ZFYVE16: variants seen among roughly 807,000 people sequenced by gnomAD.
The protein encoded by ZFYVE16 is zinc finger FYVE-type containing 16.
ZFYVE16 carries 89 observed loss-of-function variants against 138.1 expected under a neutral mutation model. That is an observed-to-expected ratio of 0.64 (90% CI 0.54 to 0.77). The LOEUF is 0.77. Ranked by LOEUF, ZFYVE16 falls within the 30% of genes least tolerant of loss-of-function variation. The pLI, the probability that ZFYVE16 is intolerant of heterozygous loss-of-function variation, is 0.00. For missense variants in ZFYVE16, 1,793 were observed against 1,786.7 expected, an observed-to-expected ratio of 1.00 and a Z score of -0.06; for synonymous variants, 596 against 618.3, an observed-to-expected ratio of 0.96 and a Z score of 0.53.
chr5:80,479,861 A>G lies in ZFYVE16; in HGVS notation c.*2484A>G, dbSNP rs996066932. Among the ~76,000 whole-genome samples, 2 of 152,136 alleles carry G rather than the reference A, an allele frequency of 1.3e-5. No homozygotes were observed. The highest frequency in any genetic ancestry group is 6.5e-5 in the Admixed American group (1 of 15,278). ...ACACAATAGGCTGAGACTCCCAAATACTTTCACCTTTAGGATGATAATGAA... is the reference window on the plus strand; with the variant it reads ...ACACAATAGGCTGAGACTCCCAAATGCTTTCACCTTTAGGATGATAATGAA... On this transcript the variant is annotated 3_prime_UTR_variant, in exon 19 of 19. Coordinates refer to ENST00000505560, the MANE Select transcript of ZFYVE16 (RefSeq NM_001284236.3).
In ZFYVE16 at chr5:80,477,755, A is replaced by T. The variant is rs1292767754; in HGVS notation, c.*378A>T. ...TCAGATGTAACCTTATGAAGGAAATATCTGCTTTGTGTATATGCCAGTTAG... is the reference window on the plus strand; with the variant it reads ...TCAGATGTAACCTTATGAAGGAAATTTCTGCTTTGTGTATATGCCAGTTAG... On this transcript the variant is annotated 3_prime_UTR_variant, in exon 19 of 19. Coordinates refer to ENST00000505560, the MANE Select transcript of ZFYVE16 (RefSeq NM_001284236.3). 6.4e-6 allele frequency: 1 copy of T among 155,976 alleles called. No individual in the cohort carries two copies. Among genetic ancestry groups the T allele is most frequent in the Non-Finnish European group, 1.4e-5 (1 of 70,822 alleles). The allele number at this position is 155,976 out of a possible 1,614,324, so 9.7% of individuals were successfully genotyped here. A position where few individuals can be genotyped will look rare whatever the true frequency, so the allele number is the denominator to read the frequency against.
rs144793072 is a variant in ZFYVE16, at chr5:80,447,433, A to G, written c.2725-593A>G. On this transcript the variant is annotated intron_variant, in intron 7 of 18. Coordinates refer to ENST00000505560, the MANE Select transcript of ZFYVE16 (RefSeq NM_001284236.3). Reference sequence around the variant, plus strand: ...GTTTCCTAGCTAGCACGCACTGTCAATCTGTATTAATGAAAATTCTCAACA... The same window carrying G: ...GTTTCCTAGCTAGCACGCACTGTCAGTCTGTATTAATGAAAATTCTCAACA... Among the ~76,000 whole-genome samples the G allele has an allele frequency of 4.9e-3, 743 of 152,292 alleles. 4 individuals are homozygous for G. Among genetic ancestry groups the G allele is most frequent in the African/African-American group, 0.016 (647 of 41,566 alleles).
rs1748258622 is a variant in ZFYVE16, at chr5:80,427,545, G to A, written c.-40G>A. On this transcript the variant is annotated splice_region_variant and 5_prime_UTR_variant, in exon 2 of 19. Transcript: ENST00000505560. Reference sequence around the variant, plus strand: ...GGTGGAGTTTCTGTTCCAGACCAGAGGTTCGTCTACTTTTTTCATCTTTTC... The same window carrying A: ...GGTGGAGTTTCTGTTCCAGACCAGAAGTTCGTCTACTTTTTTCATCTTTTC... 1 of 147,812 alleles carries A rather than the reference G, an allele frequency of 6.8e-6. No individual in the cohort carries two copies. The allele number at this position is 147,812 out of a possible 1,614,324, so 9.2% of individuals were successfully genotyped here. A position where few individuals can be genotyped will look rare whatever the true frequency, so the allele number is the denominator to read the frequency against.
intron 1 of ZFYVE16, among the ~76,000 whole-genome samples, chr5:80,426,755 T>G (rs548551684): frequency 6.6e-6 from 1 of 152,156 alleles, no homozygotes; most frequent in African/African-American, 2.4e-5. Context: ...TACACATGCA[T>G]GTATCTTTAT....
intron 1 of ZFYVE16, among the ~76,000 whole-genome samples, chr5:80,425,417 G>T (rs1747850759): frequency 6.6e-6 from 1 of 152,100 alleles, no homozygotes; most frequent in Non-Finnish European, 1.5e-5. Context: ...CCTCTTATTT[G>T]TTTATTGTCT....
At chr5:80,420,733 G>A (rs1747024889) in intron 1 of ZFYVE16, among the ~76,000 whole-genome samples, 1 of 152,142 alleles carries the variant, frequency 6.6e-6, no homozygotes, top group Admixed American at 6.5e-5. Flanking sequence ...CTTTGCTATT[G>A]TGAATAGTGC....
chr5:80,412,823 T>G (rs1745643958), intron 1 of ZFYVE16, among the ~76,000 whole-genome samples: 1 of 152,242 alleles, frequency 6.6e-6, no homozygotes, highest in Non-Finnish European at 1.5e-5. Flanking sequence ...AAATTTAATG[T>G]TTATATTTAT....
intron 1 of ZFYVE16, among the ~76,000 whole-genome samples, chr5:80,412,839 G>A (rs1745647264): frequency 1.3e-5 from 2 of 152,044 alleles, no homozygotes; most frequent in Admixed American, 6.6e-5. Context: ...TTTATCGAAG[G>A]GATACCTGTA....
At chr5:80,409,448 C>T (rs1381682102) in intron 1 of ZFYVE16, among the ~76,000 whole-genome samples, 1 of 152,064 alleles carries the variant, frequency 6.6e-6, no homozygotes, top group Admixed American at 6.5e-5. Context: ...CCTAATGCTG[C>T]AGTATATTTA....
chr5:80,450,800 A>G (rs909384639), intron 10 of ZFYVE16, among the ~76,000 whole-genome samples: 1 of 148,252 alleles, frequency 6.7e-6, no homozygotes, highest in Admixed American at 7.0e-5. Context: ...AAATGGAAAT[A>G]TATCCTTATA....
chr5:80,471,176 A>C (rs249033), intron 15 of ZFYVE16, among the ~76,000 whole-genome samples: 117,892 of 151,860 alleles, frequency 0.78, 48,943 homozygotes, highest in East Asian at 0.92. Context: ...TAAACGTCCT[A>C]ATCTTGCCAC....
intron 2 of ZFYVE16, among the ~76,000 whole-genome samples, chr5:80,427,895 C>T (rs1748348864): frequency 7.4e-6 from 1 of 134,804 alleles, no homozygotes; most frequent in South Asian, 2.4e-4. Context: ...TCGCTTGAAC[C>T]TGGGAGATGG....
At chr5:80,434,241 C>A in intron 3 of ZFYVE16, 24 bp downstream of exon 3, 1 of 1,609,682 alleles carries the variant, frequency 6.2e-7, no homozygotes, top group Non-Finnish European at 8.5e-7. Flanking sequence ...CCATTTTTGC[C>A]GCTAATGGGA....
At position 80,445,400 on chromosome 5, in the gene ZFYVE16, C is replaced by A. The variant is rs760569192; in HGVS notation, c.2719C>A (p.Pro907Thr). The stretch of plus-strand genomic sequence containing the variant: ...CTTTAGTCCTCTCTCACCTGATGTG[C>A]CTATGGTAAGGAATTCAAAGAATAA... ...EDFSPLSPDV[P>T]MTVNTVDHSH... The change falls in exon 7 of 19, where the codon CCT becomes ACT. Residue 907 changes from proline to threonine, a missense_variant. By Grantham distance (38) the Pro-to-Thr change is conservative (BLOSUM62 -1). Coordinates refer to ENST00000505560, the MANE Select transcript of ZFYVE16 (RefSeq NM_001284236.3). The A allele has an allele frequency of 1.9e-6, 3 of 1,610,020 alleles. No homozygotes were observed. The highest frequency in any genetic ancestry group is 1.7e-6 in the Non-Finnish European group (2 of 1,178,854).
chr5:80,422,239 TCTTATTGCG>T (rs1580121904), intron 1 of ZFYVE16, among the ~76,000 whole-genome samples: 3 of 152,164 alleles, frequency 2.0e-5, no homozygotes, highest in Non-Finnish European at 4.4e-5. Context: ...CCTTTTCTTG[TCTTATTGCG>T]CTAGCCAAGG....
Position 80,431,301 on chromosome 5 carries a change from C to T in ZFYVE16, c.-39-2808C>T, listed in dbSNP as rs984783643. 7.2e-5 allele frequency among the ~76,000 whole-genome samples: 11 copies of T among 152,100 alleles called. No individual in the cohort carries two copies. In the East Asian group the frequency reaches 9.6e-4, roughly 13 times the overall value. ...GGTTCAACATATGCAGATCAATAAA[C>T]GTAATCCAGCATATAAACAGAACCA... is the stretch of plus-strand genomic sequence containing the variant. On this transcript the variant is annotated intron_variant, in intron 2 of 18. Coordinates refer to ENST00000505560, the MANE Select transcript of ZFYVE16 (RefSeq NM_001284236.3).
chr5:80,473,242 C>T (rs537864302), intron 16 of ZFYVE16, among the ~76,000 whole-genome samples: 15 of 152,186 alleles, frequency 9.9e-5, no homozygotes, highest in Admixed American at 7.2e-4. Flanking sequence ...CTATTTTTGT[C>T]ACATAAGTAA....
At chr5:80,474,592 T>G in intron 17 of ZFYVE16, 71 bp from the exon 18 acceptor site, 3 of 1,433,750 alleles carry the variant, frequency 2.1e-6, no homozygotes, top group Non-Finnish European at 2.8e-6. Flanking sequence ...TAATTAAACT[T>G]GAAAGCAGCA....
chr5:80,477,511 C>A lies in ZFYVE16; in HGVS notation c.*134C>A. 1 of 727,804 alleles carries A rather than the reference C, an allele frequency of 1.4e-6. No individual in the cohort carries two copies. Among genetic ancestry groups the A allele is most frequent in the Non-Finnish European group, 2.0e-6 (1 of 502,518 alleles). The allele number at this position is 727,804 out of a possible 1,614,324, so 45.1% of individuals were successfully genotyped here. ...AAACACATAAGCTTTGCTCTTTAGG[C>A]AGGAATGATCTTTTCAAATCATTAG... is the stretch of plus-strand genomic sequence containing the variant. On this transcript the variant is annotated 3_prime_UTR_variant, in exon 19 of 19. Coordinates refer to ENST00000505560, the MANE Select transcript of ZFYVE16 (RefSeq NM_001284236.3).
Sources: gnomAD v4.1 joint callset for allele counts (sites outside exome capture counted in the v4.1 genomes callset) on GRCh38, gnomAD v4.1.1 for gene constraint, MANE v1.5 for transcripts, NCBI Gene and HGNC (gene_info 2026-07-23, HGNC 2026-07-21) for gene names.